RBCK1: variants seen among roughly 807,000 people sequenced by gnomAD.
RBCK1 encodes the protein ranBP-type and C3HC4-type zinc finger-containing protein 1.
In RBCK1, 44 loss-of-function variants were observed where a neutral mutation model predicts 71.1. That is an observed-to-expected ratio of 0.62 (90% CI 0.49 to 0.80). The LOEUF (loss-of-function observed/expected upper bound fraction) is 0.80. Ranked by LOEUF, RBCK1 falls within the 30% of genes least tolerant of loss-of-function variation. RBCK1 has a pLI of 0.00. For missense variants in RBCK1, 569 were observed against 685.0 expected (o/e 0.83, Z 1.89); for synonymous variants, 306 against 279.7 (o/e 1.09, Z -0.94).
In RBCK1 at chr20:417,446, A is replaced by G; in HGVS notation, c.168-80A>G. 8.0e-7 allele frequency: 1 copy of G among 1,242,876 alleles called. No homozygotes were observed. Among genetic ancestry groups the G allele is most frequent in the East Asian group, 2.3e-5 (1 of 43,010 alleles). The allele number at this position is 1,242,876 out of a possible 1,614,324, so 77.0% of individuals were successfully genotyped here. ...GTGCATGGCCATGTGCCTGTGTGCA[A>G]ATATGTACATGTCTGTAGCCGGTGG... On this transcript the variant is annotated intron_variant, in intron 2 of 11. Coordinates refer to ENST00000356286, the MANE Select transcript of RBCK1 (RefSeq NM_031229.4). This position sits in a 1 kb window ranked among gnomAD's most constrained non-coding sequence, Gnocchi z 4.7.
chr20:415,096 C>T (rs2015911504), intron 2 of RBCK1, among the ~76,000 whole-genome samples: 1 of 152,130 alleles, frequency 6.6e-6, no homozygotes, highest in Admixed American at 6.6e-5. Flanking sequence ...TAGGACTTGG[C>T]GGGGCACGAT....
intron 2 of RBCK1, among the ~76,000 whole-genome samples, chr20:416,329 T>A (rs1034329829): frequency 6.6e-6 from 1 of 151,864 alleles, no homozygotes; most frequent in Non-Finnish European, 1.5e-5. Context: ...CTAATTTTTT[T>A]TTTTGTATTT....
rs2016865554 is a variant in RBCK1, at chr20:428,756, A to G, written c.1308+167A>G. ...GGGACTTAGGCCGAATGGTCATGTCAGGAAGAGCGTCTGGGTGGAGGGTGG... is the reference window on the plus strand; with the variant it reads ...GGGACTTAGGCCGAATGGTCATGTCGGGAAGAGCGTCTGGGTGGAGGGTGG... On this transcript the variant is annotated intron_variant, in intron 10 of 11. Coordinates refer to ENST00000356286, the MANE Select transcript of RBCK1 (RefSeq NM_031229.4). This position sits in a 1 kb window ranked among gnomAD's most constrained non-coding sequence, Gnocchi z 5.7. 7.1e-7 allele frequency: 1 copy of G among 1,408,302 alleles called. No homozygotes were observed. The highest frequency in any genetic ancestry group is 2.5e-5 in the East Asian group (1 of 39,384). 87.2% of individuals were successfully genotyped at this position (1,408,302 alleles called of 1,614,324 possible). A position where few individuals can be genotyped will look rare whatever the true frequency, so the allele number is the denominator to read the frequency against.
chr20:421,823 C>A, intron 7 of RBCK1: 1 of 361,284 alleles, frequency 2.8e-6, no homozygotes, highest in South Asian at 4.4e-5. Flanking sequence ...GGAGACATGG[C>A]TGCTGTTCTG....
At chr20:409,639 G>A (rs2015578183) in intron 1 of RBCK1, among the ~76,000 whole-genome samples, 1 of 152,042 alleles carries the variant, frequency 6.6e-6, no homozygotes, top group Admixed American at 6.6e-5. Flanking sequence ...GAAATATGAG[G>A]GACCCTGGGA....
chr20:420,265 G>A (rs549598957), intron 6 of RBCK1: 4 of 977,896 alleles, frequency 4.1e-6, no homozygotes, highest in Non-Finnish European at 4.8e-6. Context: ...CCCCGACCCC[G>A]GTCCTACGCC....
rs778466733 is a variant in RBCK1, at chr20:408,697, C to G, written c.-61C>G. 3.1e-6 allele frequency: 5 copies of G among 1,603,442 alleles called. No individual in the cohort carries two copies. Among genetic ancestry groups the G allele is most frequent in the Non-Finnish European group, 4.3e-6 (5 of 1,175,864 alleles). The stretch of plus-strand genomic sequence containing the variant: ...GGTCTCCCGCCTCTCCCAGGCGACC[C>G]GGAGGTAGCATTTCCCAGGAGGCAC... On this transcript the variant is annotated 5_prime_UTR_variant, in exon 1 of 12. Coordinates refer to ENST00000356286, the MANE Select transcript of RBCK1 (RefSeq NM_031229.4).
At chr20:419,033 G>A (rs985050411) in intron 4 of RBCK1, among the ~76,000 whole-genome samples, 13 of 152,242 alleles carry the variant, frequency 8.5e-5, no homozygotes, top group African/African-American at 2.9e-4. Context: ...AGTGGATCAA[G>A]TCACTGTTTT....
intron 8 of RBCK1, among the ~76,000 whole-genome samples, chr20:426,092 C>A (rs1357811351): frequency 6.6e-6 from 1 of 152,084 alleles, no homozygotes; most frequent in African/African-American, 2.4e-5. Context: ...TTTGCGGGTA[C>A]ATAGTTGGTG....
At chr20:420,516 C>T in intron 6 of RBCK1, 2 of 984,572 alleles carry the variant, frequency 2.0e-6, no homozygotes, top group Non-Finnish European at 2.4e-6. Context: ...TGACTCACCA[C>T]TCAGACCCCG....
chr20:421,936 C>T, intron 7 of RBCK1, 191 bp from the exon 8 acceptor site: 1 of 567,886 alleles, frequency 1.8e-6, no homozygotes, highest in Non-Finnish European at 3.1e-6. Context: ...ATCAGAGCGG[C>T]AGTATGGAGG....
rs2122332776 is a variant in RBCK1 at position 428,459 on chromosome 20, C to G, written c.1210-32C>G. On this transcript the variant is annotated intron_variant, in intron 9 of 11. Transcript: ENST00000356286. This position sits in a 1 kb window ranked among gnomAD's most constrained non-coding sequence, Gnocchi z 5.7. Reference sequence around the variant, plus strand: ...CCCAGCTTCTTAACCCCCTGAGGAACCTTCTTACCTTGAGTCCCTCACCCG... The same window carrying G: ...CCCAGCTTCTTAACCCCCTGAGGAAGCTTCTTACCTTGAGTCCCTCACCCG... The G allele has an allele frequency of 1.3e-6, 2 of 1,526,480 alleles. No homozygotes were observed. Among genetic ancestry groups the G allele is most frequent in the Non-Finnish European group, 1.8e-6 (2 of 1,127,612 alleles). The allele number at this position is 1,526,480 out of a possible 1,614,324, so 94.6% of individuals were successfully genotyped here.
chr20:426,194 C>T (rs921953427), intron 8 of RBCK1, among the ~76,000 whole-genome samples: 1 of 152,176 alleles, frequency 6.6e-6, no homozygotes, highest in Non-Finnish European at 1.5e-5. Context: ...TCCCCTCAAG[C>T]ATTTATCCTT....
intron 2 of RBCK1, chr20:410,707 C>T (rs1250879676): frequency 4.9e-6 from 3 of 610,618 alleles, no homozygotes; most frequent in African/African-American, 3.7e-5. Flanking sequence ...TGCTGAAACA[C>T]TTTGCACAAT....
In RBCK1 at chr20:408,408, A is replaced by C. The variant is rs1187367739; in HGVS notation, c.-350A>C. The C allele has an allele frequency of 1.2e-5, 5 of 434,010 alleles. No homozygotes were observed. Among genetic ancestry groups the C allele is most frequent in the East Asian group, 4.6e-5 (1 of 21,716 alleles). The allele number at this position is 434,010 out of a possible 1,614,324, so 26.9% of individuals were successfully genotyped here. The stretch of plus-strand genomic sequence containing the variant: ...CCGGGACGCCAGGGGCGCTCCCGCA[A>C]GTGGGGGTCCTCCGGGACTTGGAAC... On this transcript the variant is annotated 5_prime_UTR_variant, in exon 1 of 12. Transcript: ENST00000356286.
intron 2 of RBCK1, chr20:410,305 T>C (rs1404812787): frequency 1.5e-6 from 1 of 682,320 alleles, no homozygotes; most frequent in Admixed American, 2.2e-5. Flanking sequence ...AACGGAACAG[T>C]GACGTAAACA....
chr20:426,814 TC>T (rs2016741627), intron 8 of RBCK1, among the ~76,000 whole-genome samples: 2 of 144,416 alleles, frequency 1.4e-5, no homozygotes, highest in Non-Finnish European at 3.0e-5. Flanking sequence ...ACTTTTCTTT[TC>T]CTTTTTTTTT....
At chr20:429,119 G>A (rs1287980932) in intron 11 of RBCK1, 25 bp downstream of exon 11, 1 of 1,598,636 alleles carries the variant, frequency 6.3e-7, no homozygotes, top group Non-Finnish European at 8.5e-7. Flanking sequence ...GTGGTGGTGT[G>A]GAGAGGGTGC....
At chr20:416,657 C>T (rs2016008897) in intron 2 of RBCK1, among the ~76,000 whole-genome samples, 1 of 152,128 alleles carries the variant, frequency 6.6e-6, no homozygotes. Flanking sequence ...TTGGAGGATC[C>T]TCAAGAAAGT....
Sources: allele counts gnomAD v4.1 joint callset (sites outside exome capture counted in the v4.1 genomes callset), GRCh38; gene constraint gnomAD v4.1.1; non-coding constraint Gnocchi (gnomAD v3.1); transcripts MANE v1.5; gene names NCBI Gene and HGNC (gene_info 2026-07-23, HGNC 2026-07-21).